Variants in LTO1 observed in about 807,000 individuals in gnomAD.
The protein encoded by LTO1 is protein LTO1 homolog.
In LTO1, 18 loss-of-function variants were observed where a neutral mutation model predicts 19.8. That is an observed-to-expected ratio of 0.91 (90% CI 0.63 to 1.35). The LOEUF is 1.35. Ranked by LOEUF, LTO1 falls within the 40% of genes most tolerant of loss-of-function variation. The pLI is 0.00. For synonymous variants in LTO1, 59 were observed against 59.6 expected (o/e 0.99, Z 0.05); for missense variants, 175 against 167.9 (o/e 1.04, Z -0.23).
chr11:69,668,680 T>G (rs929966705), intron 3 of LTO1, among the ~76,000 whole-genome samples: 12 of 151,070 alleles, frequency 7.9e-5, no homozygotes, highest in African/African-American at 2.2e-4. Context: ...GTTTTGTTTT[T>G]TTTTTTTTAA....
chr11:69,672,791 G>A (rs959831289), intron 2 of LTO1: 2 of 313,714 alleles, frequency 6.4e-6, no homozygotes, highest in Non-Finnish European at 1.3e-5. Flanking sequence ...CCCATGCAAA[G>A]GCACTGTGAT....
chr11:69,668,835 C>T (rs1200375825), intron 3 of LTO1, among the ~76,000 whole-genome samples: 4 of 151,900 alleles, frequency 2.6e-5, no homozygotes, highest in African/African-American at 9.7e-5. Context: ...CGAGACCAGC[C>T]TGACCAATAT....
chr11:69,673,036 A>G (rs1209759321), intron 2 of LTO1, 180 bp downstream of exon 2: 5 of 661,862 alleles, frequency 7.6e-6, no homozygotes, highest in Non-Finnish European at 5.6e-6. Context: ...TCCTGACCTC[A>G]AGGCGATCCA....
chr11:69,669,465 A>T (rs1856077965), intron 3 of LTO1, among the ~76,000 whole-genome samples: 1 of 152,206 alleles, frequency 6.6e-6, no homozygotes, highest in Non-Finnish European at 1.5e-5. Context: ...AGAAAATACA[A>T]AACTGTGAAA....
intron 3 of LTO1, chr11:69,671,278 T>C (rs1856105567): frequency 6.4e-6 from 1 of 157,222 alleles, no homozygotes; most frequent in African/African-American, 2.4e-5. Flanking sequence ...AGAAAGGAGT[T>C]AAACACATTT....
At chr11:69,669,861 A>G (rs1772754587) in intron 3 of LTO1, among the ~76,000 whole-genome samples, 1 of 152,188 alleles carries the variant, frequency 6.6e-6, no homozygotes, top group Non-Finnish European at 1.5e-5. Flanking sequence ...TTGGCCTGAG[A>G]TGCCGCTCTC....
chr11:69,674,999 G>C (rs1356986557), intron 1 of LTO1, 191 bp downstream of exon 1: 1 of 695,870 alleles, frequency 1.4e-6, no homozygotes, highest in Admixed American at 2.0e-5. Context: ...TGCCCCGCCG[G>C]AGCGGGCCAG....
intron 2 of LTO1, 145 bp downstream of exon 2, chr11:69,673,071 G>C (rs1429971852): frequency 1.0e-5 from 7 of 699,838 alleles, no homozygotes; most frequent in Admixed American, 4.0e-5. Flanking sequence ...CCAAAGTGCT[G>C]GGATTACAGG....
chr11:69,671,775 C>T lies in LTO1; in HGVS notation c.201G>A (p.Leu67=). ...QGFAFAWKCL[L]HSCTTEKDSR... ...TGTCCTTCTCAGTGGTGCAACTGTG[C>T]AGTAGACATTTCCATGCAAAAGCAA... Residue 67 remains leucine, a synonymous_variant, in exon 3 of 5, where the codon CTG becomes CTA. Coordinates refer to ENST00000279147, the MANE Select transcript of LTO1 (RefSeq NM_153451.3). 6.2e-7 allele frequency: 1 copy of T among 1,600,772 alleles called. No individual in the cohort carries two copies. Among genetic ancestry groups the T allele is most frequent in the South Asian group, 1.1e-5 (1 of 90,812 alleles).
intron 4 of LTO1, 23 bp from the exon 5 acceptor site, chr11:69,667,610 AT>A: frequency 1.3e-6 from 2 of 1,527,390 alleles, no homozygotes; most frequent in Non-Finnish European, 1.8e-6. Context: ...AAGAGATGGT[AT>A]TTTTAATCTT....
In LTO1 at chr11:69,667,907, T is replaced by G. The variant is rs946397293; in HGVS notation, c.333A>C (p.Gly111=). Residue 111 remains glycine (G), a synonymous_variant, in exon 4 of 5, where the codon GGA becomes GGC. Coordinates refer to ENST00000279147, the MANE Select transcript of LTO1 (RefSeq NM_153451.3). ...KLHEDLDKIR[G]KFKQFCSLLN... The stretch of plus-strand genomic sequence containing the variant: ...ACAGTGCACGCACCTGTTTAAATTT[T>G]CCTCTGATCTTGTCTAAGTCTTCAT... 2 of 1,498,474 alleles carry G rather than the reference T, an allele frequency of 1.3e-6. No homozygotes were observed. The highest frequency in any genetic ancestry group is 1.9e-6 in the Non-Finnish European group (2 of 1,074,438). 92.8% of individuals were successfully genotyped at this position (1,498,474 alleles called of 1,614,324 possible).
At position 69,675,327 on chromosome 11, in the gene LTO1, G is replaced by C; in HGVS notation, c.-88C>G. ...CGGCAGCTTCAGGCACAAATGCTCC[G>C]CTTGGGAGGAGACGAGACCCACTTC... On this transcript the variant is annotated 5_prime_UTR_variant, in exon 1 of 5. Coordinates refer to ENST00000279147, the MANE Select transcript of LTO1 (RefSeq NM_153451.3). The C allele has an allele frequency of 8.9e-7, 1 of 1,119,112 alleles. No homozygotes were observed. The highest frequency in any genetic ancestry group is 1.2e-6 in the Non-Finnish European group (1 of 810,526). The allele number at this position is 1,119,112 out of a possible 1,614,324, so 69.3% of individuals were successfully genotyped here.
intron 3 of LTO1, 135 bp downstream of exon 3, chr11:69,671,614 A>C: frequency 1.5e-6 from 1 of 666,876 alleles, no homozygotes; most frequent in Non-Finnish European, 2.7e-6. Context: ...AACAACACTC[A>C]AGCTTGACAC....
At chr11:69,671,189 G>A (rs1856104193) in intron 3 of LTO1, among the ~76,000 whole-genome samples, 1 of 152,154 alleles carries the variant, frequency 6.6e-6, no homozygotes, top group African/African-American at 2.4e-5. Flanking sequence ...GTGAGCCACT[G>A]CGCCCGGCCG....
At position 69,666,567 on chromosome 11, in the gene LTO1, G is replaced by A. The variant is rs2119830064; in HGVS notation, c.*952C>T. ...AGGACAGAGACAAAAGAGCTCCTAG[G>A]AGAGGGGAGAATGCAGGAGGCTATA... is the stretch of plus-strand genomic sequence containing the variant. On this transcript the variant is annotated 3_prime_UTR_variant, in exon 5 of 5. Coordinates refer to ENST00000279147, the MANE Select transcript of LTO1 (RefSeq NM_153451.3). 2 of 152,392 alleles carry A rather than the reference G, an allele frequency of 1.3e-5. 1 individual carries two copies. The highest frequency in any genetic ancestry group is 4.1e-4 in the South Asian group (2 of 4,824). The allele number at this position is 152,392 out of a possible 1,614,324, so 9.4% of individuals were successfully genotyped here. A position where few individuals can be genotyped will look rare whatever the true frequency, so the allele number is the denominator to read the frequency against.
intron 3 of LTO1, among the ~76,000 whole-genome samples, chr11:69,669,078 T>C (rs868145411): frequency 3.4e-5 from 5 of 148,474 alleles, no homozygotes; most frequent in Middle Eastern, 7.0e-3. Flanking sequence ...CAGCACAGAG[T>C]AGGTGCTCAA....
chr11:69,668,779 G>A (rs969101170), intron 3 of LTO1, among the ~76,000 whole-genome samples: 1 of 151,896 alleles, frequency 6.6e-6, no homozygotes, highest in African/African-American at 2.4e-5. Flanking sequence ...TGTAATCCCA[G>A]CACTTTGGGA....
rs777733898 is a variant in LTO1, at chr11:69,667,275, C to T, written c.*244G>A. 31 of 553,478 alleles carry T rather than the reference C, an allele frequency of 5.6e-5. No homozygotes were observed. Among genetic ancestry groups the T allele is most frequent in the Non-Finnish European group, 7.0e-5 (22 of 313,924 alleles). 34.3% of individuals were successfully genotyped at this position (553,478 alleles called of 1,614,324 possible). A position where few individuals can be genotyped will look rare whatever the true frequency, so the allele number is the denominator to read the frequency against. ...CCGGAGAGGCTGTCAAGTCAATGCA[C>T]GAGGGCTCTGCCAGGGACGGCTTCA... On this transcript the variant is annotated 3_prime_UTR_variant, in exon 5 of 5. Transcript: ENST00000279147.
intron 4 of LTO1, 99 bp downstream of exon 4, chr11:69,667,796 C>T: frequency 1.3e-6 from 1 of 785,406 alleles, no homozygotes; most frequent in Admixed American, 1.9e-5. Context: ...GCGCACGCAG[C>T]CCCAGGCCAT....
Sources: allele counts gnomAD v4.1 joint callset (sites outside exome capture counted in the v4.1 genomes callset), GRCh38; gene constraint gnomAD v4.1.1; transcripts MANE v1.5; gene names NCBI Gene and HGNC (gene_info 2026-07-23, HGNC 2026-07-21).